The following RACGAP1 variants were observed in gnomAD, a reference collection of about 807,000 sequenced individuals.
RACGAP1 encodes the protein Rac GTPase activating protein 1.
RACGAP1 carries 30 observed loss-of-function variants against 78.1 expected under a neutral mutation model. The ratio of observed to expected loss-of-function variants is 0.38; its 90% CI spans 0.29 to 0.52. The LOEUF is 0.52. Ranked by LOEUF, RACGAP1 falls within the 20% of genes least tolerant of loss-of-function variation. RACGAP1 has a pLI of 0.82. For missense variants in RACGAP1, 587 were observed against 777.1 expected (o/e 0.76, Z 2.91); for synonymous variants, 231 against 264.8 (o/e 0.87, Z 1.24).
chr12:50,009,242 CAAAAAAA>C (rs397751749), intron 2 of RACGAP1, among the ~76,000 whole-genome samples: 1 of 65,258 alleles, frequency 1.5e-5, no homozygotes, highest in Non-Finnish European at 3.4e-5. Context: ...GATGCTGTCT[CAAAAAAA>C]AAAAAAAAAA....
intron 15 of RACGAP1, 82 bp from the exon 16 acceptor site, chr12:49,990,874 CT>C (rs1947792688): frequency 1.5e-5 from 15 of 1,016,690 alleles, no homozygotes; most frequent in Non-Finnish European, 2.0e-5. Context: ...GCTGATTACC[CT>C]CTGAAGCACT....
chr12:50,024,125 C>G (rs1274316882), intron 1 of RACGAP1, among the ~76,000 whole-genome samples: 5 of 151,782 alleles, frequency 3.3e-5, no homozygotes, highest in Non-Finnish European at 5.9e-5. Flanking sequence ...CGCGCCACTG[C>G]ACTCCAGCCT....
intron 1 of RACGAP1, 85 bp from the exon 2 acceptor site, chr12:50,016,804 A>G (rs1286554904): frequency 6.8e-6 from 10 of 1,471,380 alleles, no homozygotes; most frequent in African/African-American, 1.4e-5. Flanking sequence ...ATTAGTGACC[A>G]ACATCTGGAC....
At chr12:50,000,349 G>A (rs113880864) in intron 7 of RACGAP1, among the ~76,000 whole-genome samples, 10,678 of 151,760 alleles carry the variant, frequency 0.07, 1,262 homozygotes, top group African/African-American at 0.24. Flanking sequence ...ACGGGATTTC[G>A]CCATGTTGAC....
intron 2 of RACGAP1, 109 bp from the exon 3 acceptor site, chr12:50,006,745 G>T: frequency 1.8e-6 from 2 of 1,123,896 alleles, no homozygotes; most frequent in Non-Finnish European, 1.3e-6. Flanking sequence ...TAAGGAACCA[G>T]CTGAACTATG....
upstream of RACGAP1, chr12:50,025,661 T>C: frequency 6.0e-6 from 3 of 498,570 alleles, no homozygotes; most frequent in Non-Finnish European, 7.5e-6. Flanking sequence ...GGTTTTTCGG[T>C]TTTTTTTGTT....
intron 2 of RACGAP1, among the ~76,000 whole-genome samples, chr12:50,010,904 C>T (rs1434235313): frequency 1.3e-5 from 2 of 149,344 alleles, no homozygotes; most frequent in African/African-American, 2.5e-5. Context: ...TGCACTCCAG[C>T]CTGGGCAACA....
At position 49,999,121 on chromosome 12, in the gene RACGAP1, A is replaced by G; in HGVS notation, c.879+20T>C. On this transcript the variant is annotated intron_variant, in intron 9 of 16. Transcript: ENST00000312377. ...TTCACAATTAAAAAATTAAAACACA[A>G]ACAACAATCACAGATTTACCGTCTT... 4 of 1,568,682 alleles carry G rather than the reference A, an allele frequency of 2.5e-6. No homozygotes were observed. Among genetic ancestry groups the G allele is most frequent in the Admixed American group, 2.1e-5 (1 of 48,632 alleles).
chr12:50,009,452 G>A (rs1278756703), intron 2 of RACGAP1, among the ~76,000 whole-genome samples: 2 of 117,984 alleles, frequency 1.7e-5, no homozygotes, highest in Non-Finnish European at 3.9e-5. Flanking sequence ...ATTTAAGTGG[G>A]TCCAGAAATC....
chr12:50,026,301 G>T (rs17124330), upstream of RACGAP1, among the ~76,000 whole-genome samples: 3 of 151,628 alleles, frequency 2.0e-5, no homozygotes, highest in African/African-American at 7.3e-5. Context: ...TACAAGAAGC[G>T]CTGTGGTTTA....
intron 2 of RACGAP1, among the ~76,000 whole-genome samples, chr12:50,010,564 C>T (rs1468672982): frequency 1.3e-5 from 2 of 151,742 alleles, no homozygotes; most frequent in Non-Finnish European, 2.9e-5. Flanking sequence ...ACCAAGTGAT[C>T]CACCTGCCTT....
chr12:49,997,291 T>G, intron 9 of RACGAP1, 87 bp from the exon 10 acceptor site: 1 of 1,319,888 alleles, frequency 7.6e-7, no homozygotes, highest in Non-Finnish European at 9.8e-7. Context: ...TTTTTTTTTT[T>G]TGAGACCGAA....
intron 12 of RACGAP1, 68 bp from the exon 13 acceptor site, chr12:49,992,723 C>T (rs1947981267): frequency 6.4e-6 from 8 of 1,244,410 alleles, no homozygotes; most frequent in South Asian, 4.0e-5. Context: ...TCCAAGTTAT[C>T]GACCACAAAG....
intron 1 of RACGAP1, 89 bp downstream of exon 1, chr12:50,025,309 C>CGCG: frequency 5.1e-6 from 5 of 985,688 alleles, no homozygotes; most frequent in Non-Finnish European, 4.8e-6. Flanking sequence ...CCCGGACCCC[C>CGCG]GCGGCGGCCA....
At chr12:50,020,255 G>GC (rs1170240540) in intron 1 of RACGAP1, among the ~76,000 whole-genome samples, 15 of 57,166 alleles carry the variant, frequency 2.6e-4, no homozygotes, top group African/African-American at 3.7e-4. Context: ...TCGGTTCACC[G>GC]CAACTTCCAT....
chr12:50,016,124 G>A (rs1378574782), intron 2 of RACGAP1, among the ~76,000 whole-genome samples: 2 of 152,300 alleles, frequency 1.3e-5, no homozygotes, highest in East Asian at 1.9e-4. Context: ...GCTCACGCCT[G>A]TAATCCCAGC....
intron 10 of RACGAP1, among the ~76,000 whole-genome samples, chr12:49,995,486 T>A (rs188792746): frequency 9.5e-4 from 144 of 152,256 alleles, no homozygotes; most frequent in African/African-American, 3.3e-3. Context: ...CTAATGTTAC[T>A]TACATAATAA....
chr12:49,993,327 C>T (rs1948019541), intron 12 of RACGAP1, among the ~76,000 whole-genome samples: 1 of 152,120 alleles, frequency 6.6e-6, no homozygotes, highest in African/African-American at 2.4e-5. Context: ...ATTGAAAAAG[C>T]TCCAACCTAA....
chr12:49,997,680 C>T (rs1223476714), intron 9 of RACGAP1, among the ~76,000 whole-genome samples: 2 of 151,990 alleles, frequency 1.3e-5, no homozygotes, highest in Non-Finnish European at 2.9e-5. Context: ...CGGGTTCAAG[C>T]GATTCTCCTG....
Sources: gnomAD v4.1 joint callset for allele counts (sites outside exome capture counted in the v4.1 genomes callset) on GRCh38, gnomAD v4.1.1 for gene constraint, MANE v1.5 for transcripts, NCBI Gene and HGNC (gene_info 2026-07-23, HGNC 2026-07-21) for gene names.